The following IQCM variants were observed in gnomAD, a reference collection of about 807,000 sequenced individuals.
The protein encoded by IQCM is IQ motif containing M.
A neutral mutation model predicts 57.6 loss-of-function variants in IQCM; 45 were observed. The ratio of observed to expected loss-of-function variants is 0.78; its 90% confidence interval spans 0.62 to 1.00. The LOEUF (loss-of-function observed/expected upper bound fraction) is 1.00, where lower values mean the gene tolerates loss of function less well. IQCM is among the 50% of genes least tolerant of loss of function. IQCM has a pLI of 0.00. For synonymous variants in IQCM, 148 were observed against 158.9 expected (o/e 0.93, Z 0.51); for missense variants, 468 against 511.6 (o/e 0.91, Z 0.82).
chr4:149,608,479 C>T (rs1181608415), intron 8 of IQCM, among the ~76,000 whole-genome samples: 1 of 151,818 alleles, frequency 6.6e-6, no homozygotes, highest in African/African-American at 2.4e-5. Context: ...CTCCTCAACA[C>T]ATGGAATATT....
chr4:149,712,308 CTCTT>C (rs1190824120), intron 5 of IQCM, among the ~76,000 whole-genome samples: 2 of 151,950 alleles, frequency 1.3e-5, no homozygotes, highest in Non-Finnish European at 2.9e-5. Context: ...TAGGATTGAT[CTCTT>C]TATCCTGTGC....
chr4:149,799,419 A>G (rs1773404154), intron 2 of IQCM, among the ~76,000 whole-genome samples: 1 of 151,836 alleles, frequency 6.6e-6, no homozygotes, highest in Non-Finnish European at 1.5e-5. Context: ...CTAATGATGC[A>G]TCTAAAAGAA....
chr4:149,566,926 T>G (rs1291330643), intron 9 of IQCM, among the ~76,000 whole-genome samples: 1 of 152,202 alleles, frequency 6.6e-6, no homozygotes, highest in Admixed American at 6.5e-5. Flanking sequence ...TTGATGAGCT[T>G]AATCATAAAA....
chr4:149,763,566 G>A (rs942671997), intron 2 of IQCM, among the ~76,000 whole-genome samples: 4 of 152,058 alleles, frequency 2.6e-5, no homozygotes, highest in African/African-American at 7.2e-5. Context: ...CTGTTACTAC[G>A]CTAAACCCTT....
At chr4:149,478,883 G>C (rs1019657893) in intron 12 of IQCM, among the ~76,000 whole-genome samples, 3 of 152,160 alleles carry the variant, frequency 2.0e-5, no homozygotes, top group Middle Eastern at 3.4e-3. Context: ...AATGATGACT[G>C]AGGACATTTG....
chr4:149,779,226 A>G (rs912626650), intron 2 of IQCM, among the ~76,000 whole-genome samples: 6 of 152,210 alleles, frequency 3.9e-5, no homozygotes, highest in African/African-American at 1.4e-4. Flanking sequence ...AACAATTCCT[A>G]TACAAATCCT....
intron 12 of IQCM, among the ~76,000 whole-genome samples, chr4:149,449,498 A>C (rs2111391782): frequency 6.7e-6 from 1 of 150,020 alleles, no homozygotes; most frequent in Middle Eastern, 3.4e-3. Flanking sequence ...ATTACTGAAA[A>C]ACAAATTCAG....
rs531090669 is a variant in IQCM, at chr4:149,552,169, CTT to C, written c.1093+972_1093+973del. 4.3e-3 allele frequency among the ~76,000 whole-genome samples: 650 copies of C among 152,292 alleles called. 5 individuals are homozygous for C. Among genetic ancestry groups the C allele is most frequent in the African/African-American group, 0.015 (604 of 41,564 alleles). On this transcript the variant is annotated intron_variant, in intron 11 of 13. Coordinates refer to ENST00000636793, the MANE Select transcript of IQCM (RefSeq NM_001363507.2). ...CTTTTAGCACATAATTTTATCATAA[CTT>C]AATGAAAACTATCATTTTAACAAAT...
intron 12 of IQCM, among the ~76,000 whole-genome samples, chr4:149,526,859 T>G (rs1746212533): frequency 6.6e-6 from 1 of 152,156 alleles, no homozygotes; most frequent in African/African-American, 2.4e-5. Flanking sequence ...CTATATATTT[T>G]GCTTATTAAT....
chr4:149,781,728 A>G (rs1771621785), intron 2 of IQCM, among the ~76,000 whole-genome samples: 1 of 152,158 alleles, frequency 6.6e-6, no homozygotes, highest in Non-Finnish European at 1.5e-5. Context: ...ATCCCCCTCA[A>G]AGGGAGACTA....
intron 7 of IQCM, among the ~76,000 whole-genome samples, chr4:149,624,993 A>C (rs1032729169): frequency 6.6e-6 from 1 of 152,180 alleles, no homozygotes; most frequent in Non-Finnish European, 1.5e-5. Context: ...AGTTAATTGC[A>C]CATGCAGTTT....
chr4:149,481,706 T>TTTTTTTTGTTTTTTGTTTTG lies in IQCM; in HGVS notation c.1229-48150_1229-48149insCAAAACAAAAAACAAAAAAA, dbSNP rs1380124637. Among the ~76,000 whole-genome samples the TTTTTTTTGTTTTTTGTTTTG allele has an allele frequency of 1.8e-3, 236 of 133,354 alleles. 3 individuals carry two copies. The highest frequency in any genetic ancestry group is 3.2e-3 in the Non-Finnish European group (199 of 62,550). The allele number at this position is 133,354 out of a possible 152,430, so 87.5% of individuals were successfully genotyped here. On this transcript the variant is annotated intron_variant, in intron 12 of 13. Transcript: ENST00000636793. ...AATGTGATTCTTCCAGTTTTGTTTT[T>TTTTTTTTGTTTTTTGTTTTG]TTTTTTTTTTTTTTTTGCTTTTTGC...
chr4:149,495,125 G>T (rs539359995), intron 12 of IQCM, among the ~76,000 whole-genome samples: 2 of 151,964 alleles, frequency 1.3e-5, no homozygotes, highest in Admixed American at 6.6e-5. Flanking sequence ...TAGAAACAGG[G>T]GATACAGAGA....
chr4:149,739,536 G>A (rs1211048897), intron 3 of IQCM, among the ~76,000 whole-genome samples: 1 of 150,744 alleles, frequency 6.6e-6, no homozygotes, highest in Admixed American at 6.6e-5. Flanking sequence ...ATGCAGTTTG[G>A]GTAAATTGTC....
chr4:149,632,852 A>G (rs1757386503), intron 7 of IQCM, among the ~76,000 whole-genome samples: 1 of 152,230 alleles, frequency 6.6e-6, no homozygotes. Flanking sequence ...ATAAAGCTAA[A>G]GTAAAAGATA....
At chr4:149,794,361 A>C (rs1580317760) in intron 2 of IQCM, among the ~76,000 whole-genome samples, 1 of 152,232 alleles carries the variant, frequency 6.6e-6, no homozygotes, top group East Asian at 1.9e-4. Flanking sequence ...CACTCCAAAG[A>C]AAACTACCAG....
At chr4:149,468,253 T>C (rs1442669754) in intron 12 of IQCM, among the ~76,000 whole-genome samples, 2 of 152,090 alleles carry the variant, frequency 1.3e-5, no homozygotes, top group Non-Finnish European at 2.9e-5. Flanking sequence ...CAACAGTACC[T>C]GGAAAATCAG....
At chr4:149,405,129 CA>C (rs1423657507) in intron 13 of IQCM, among the ~76,000 whole-genome samples, 1 of 150,618 alleles carries the variant, frequency 6.6e-6, no homozygotes, top group Admixed American at 6.6e-5. Context: ...AAAATTAGGC[CA>C]AAAAAGAAAG....
At chr4:149,361,703 T>C (rs1674545123) in intron 13 of IQCM, among the ~76,000 whole-genome samples, 1 of 152,110 alleles carries the variant, frequency 6.6e-6, no homozygotes, top group African/African-American at 2.4e-5. Context: ...TGTATGGAAA[T>C]GCCTAGAAGC....
Sources: gnomAD v4.1 joint callset for allele counts (sites outside exome capture counted in the v4.1 genomes callset) on GRCh38, gnomAD v4.1.1 for gene constraint, MANE v1.5 for transcripts, NCBI Gene and HGNC (gene_info 2026-07-23, HGNC 2026-07-21) for gene names.